IFT122: variants seen among roughly 807,000 people sequenced by gnomAD.
IFT122 encodes the protein intraflagellar transport 122.
Under a neutral mutation model 161.6 loss-of-function variants are expected in IFT122, and 118 were observed. That is an observed-to-expected ratio of 0.73 (90% CI 0.63 to 0.85). IFT122 has a LOEUF of 0.85. Among genes scored for constraint, IFT122 ranks in the 40% least tolerant of loss-of-function variants. IFT122 has a pLI of 0.00. For missense variants in IFT122, 1,381 were observed against 1,579.6 expected (o/e 0.87, Z 2.13); for synonymous variants, 550 against 602.4 (o/e 0.91, Z 1.27).
intron 2 of IFT122, among the ~76,000 whole-genome samples, chr3:129,451,662 G>A (rs1577234493): frequency 6.6e-6 from 1 of 152,202 alleles, no homozygotes; most frequent in Admixed American, 6.5e-5. Context: ...CATGGAGTGA[G>A]TAATTGAACC....
In IFT122 at chr3:129,512,324, A is replaced by C. The variant is rs1393560147; in HGVS notation, c.2899A>C (p.Ser967Arg). 1.2e-6 allele frequency: 2 copies of C among 1,613,596 alleles called. No homozygotes were observed. The highest frequency in any genetic ancestry group is 1.7e-5 in the Admixed American group (1 of 60,030). ...TCTCTCACTGCAGGAAGATCCGTTC[A>C]GTGTCCATCGTCCTGAAACTCTTTT... is the stretch of plus-strand genomic sequence containing the variant. ...AIHRHTEDPFSVHRPETLFNI... is the reference protein window; with the variant it reads ...AIHRHTEDPFRVHRPETLFNI... The change falls in exon 24 of 30, where the codon AGT becomes CGT. Residue 967 changes from serine to arginine, a missense_variant. By Grantham distance (110) the Ser-to-Arg change is moderately radical (BLOSUM62 -1). Transcript: ENST00000348417.
At chr3:129,483,411 T>C in intron 14 of IFT122, 74 bp from the exon 15 acceptor site, 2 of 1,257,454 alleles carry the variant, frequency 1.6e-6, no homozygotes, top group South Asian at 1.2e-5. Flanking sequence ...TAAGAGGGTA[T>C]TGGGCTGAAA....
chr3:129,452,362 CTG>C (rs1278346274), intron 3 of IFT122, among the ~76,000 whole-genome samples: 1 of 128,716 alleles, frequency 7.8e-6, no homozygotes, highest in African/African-American at 3.1e-5. Context: ...AAGGTGATAA[CTG>C]TTATGGAAGA....
intron 19 of IFT122, among the ~76,000 whole-genome samples, chr3:129,502,183 A>G (rs1288681209): frequency 2.0e-5 from 3 of 152,174 alleles, no homozygotes; most frequent in Non-Finnish European, 4.4e-5. Flanking sequence ...AGCAGGCCCC[A>G]CACTCACCTC....
chr3:129,498,930 T>C (rs529217787), intron 18 of IFT122, among the ~76,000 whole-genome samples: 2 of 152,350 alleles, frequency 1.3e-5, no homozygotes, highest in African/African-American at 4.8e-5. Context: ...TTTGGGTAAC[T>C]ACTCTGAAAA....
At chr3:129,453,176 C>G (rs2075057622) in intron 3 of IFT122, among the ~76,000 whole-genome samples, 1 of 152,080 alleles carries the variant, frequency 6.6e-6, no homozygotes, top group Admixed American at 6.6e-5. Context: ...GAGATGGGAT[C>G]TAGGGCATAG....
At chr3:129,507,872 G>T in intron 23 of IFT122, 110 bp downstream of exon 23, 1 of 836,734 alleles carries the variant, frequency 1.2e-6, no homozygotes, top group Non-Finnish European at 2.0e-6. Context: ...TGGTCACAGT[G>T]AACTGCTGAG....
intron 24 of IFT122, 187 bp from the exon 25 acceptor site, chr3:129,514,202 C>A (rs2083181617): frequency 1.4e-6 from 1 of 716,694 alleles, no homozygotes; most frequent in Admixed American, 2.0e-5. Context: ...GGAAAAATTC[C>A]TGGGCCTTGC....
chr3:129,519,551 TC>T lies in IFT122; in HGVS notation c.3472-14del. The T allele has an allele frequency of 6.2e-7, 1 of 1,612,372 alleles. No individual in the cohort carries two copies. Among genetic ancestry groups the T allele is most frequent in the East Asian group, 2.2e-5 (1 of 44,870 alleles). ...GCTGAGTGAGGACACTGTGCCTCCT[TC>T]CCGCCCACCCTGCAGCAAGGTGGCT... On this transcript the variant is annotated splice_polypyrimidine_tract_variant and intron_variant, in intron 28 of 29. Transcript: ENST00000348417.
At chr3:129,454,511 A>G (rs1460059536) in intron 3 of IFT122, among the ~76,000 whole-genome samples, 1,925 of 106,872 alleles carry the variant, frequency 0.018, 56 homozygotes, top group African/African-American at 0.098. Context: ...TGGTAGTCAT[A>G]TTTGTGTGTG....
intron 9 of IFT122, among the ~76,000 whole-genome samples, chr3:129,471,708 G>T (rs962847932): frequency 1.3e-5 from 2 of 152,164 alleles, no homozygotes; most frequent in Non-Finnish European, 2.9e-5. Flanking sequence ...TTTTCTTGCT[G>T]GGTGTCTTCC....
At chr3:129,513,938 C>T in intron 24 of IFT122, 1 of 328,302 alleles carries the variant, frequency 3.0e-6, no homozygotes, top group South Asian at 2.5e-5. Context: ...GGTGTGCAGA[C>T]AGAGTGGGGT....
intron 6 of IFT122, among the ~76,000 whole-genome samples, chr3:129,463,962 A>G (rs2076445312): frequency 6.6e-6 from 1 of 152,238 alleles, no homozygotes; most frequent in African/African-American, 2.4e-5. Flanking sequence ...CTTTGATGCT[A>G]GACCTGAATT....
At chr3:129,459,947 G>C (rs1172803003) in intron 4 of IFT122, among the ~76,000 whole-genome samples, 3 of 151,516 alleles carry the variant, frequency 2.0e-5, no homozygotes, top group Non-Finnish European at 4.4e-5. Flanking sequence ...TTTCTTGGTA[G>C]AGACAGGGTT....
chr3:129,461,549 AC>A lies in IFT122; in HGVS notation c.349+246del, dbSNP rs529090638. 224 of 530,672 alleles carry A rather than the reference AC, an allele frequency of 4.2e-4. 2 individuals are homozygous for A. The East Asian group carries it at 7.7e-3, about 18-fold the overall frequency. The allele number at this position is 530,672 out of a possible 1,614,324, so 32.9% of individuals were successfully genotyped here. The stretch of plus-strand genomic sequence containing the variant: ...AAGGGCCCCAGCAAAGGAAATGGTA[AC>A]AAGATTGGGAGGGCACAGGCATAAC... On this transcript the variant is annotated intron_variant, in intron 5 of 29. Transcript: ENST00000348417.
At chr3:129,492,486 G>A (rs1423502953) in intron 17 of IFT122, among the ~76,000 whole-genome samples, 1 of 152,214 alleles carries the variant, frequency 6.6e-6, no homozygotes, top group East Asian at 1.9e-4. Context: ...AGGCTGCTGT[G>A]AGGATTCAGT....
chr3:129,487,439 C>T (rs1001549258), intron 15 of IFT122: 4 of 152,334 alleles, frequency 2.6e-5, no homozygotes, highest in South Asian at 2.1e-4. Context: ...AGAAATAATA[C>T]CTACTGCACA....
At chr3:129,466,811 C>T in intron 7 of IFT122, 79 bp from the exon 8 acceptor site, 1 of 1,423,444 alleles carries the variant, frequency 7.0e-7, no homozygotes, top group East Asian at 2.3e-5. Flanking sequence ...CCCCCAGGGG[C>T]TCCTTGCCAG....
At chr3:129,513,917 C>A in intron 24 of IFT122, 1 of 294,134 alleles carries the variant, frequency 3.4e-6, no homozygotes, top group South Asian at 3.1e-5. Flanking sequence ...CCCACCAGGC[C>A]CTCGGGGAAG....
Sources: gnomAD v4.1 joint callset for allele counts (sites outside exome capture counted in the v4.1 genomes callset) on GRCh38, gnomAD v4.1.1 for gene constraint, MANE v1.5 for transcripts, NCBI Gene and HGNC (gene_info 2026-07-23, HGNC 2026-07-21) for gene names.